The following MYOF variants were observed in gnomAD, a reference collection of about 807,000 sequenced individuals.
The protein encoded by MYOF is myoferlin.
MYOF carries 244 observed loss-of-function variants against 284.2 expected under a neutral mutation model. The ratio of observed to expected loss-of-function variants is 0.86; its 90% CI spans 0.77 to 0.95. The LOEUF is 0.95. Among genes scored for constraint, MYOF ranks in the 40% least tolerant of loss-of-function variants. MYOF has a pLI of 0.00. For missense variants in MYOF, 2,496 were observed against 2,560.6 expected (o/e 0.97, Z 0.54); for synonymous variants, 904 against 919.7 (o/e 0.98, Z 0.31).
In MYOF at chr10:93,442,041, C is replaced by CACACACACAGAGAGAG. The variant is rs57700900; in HGVS notation, c.236+10008_236+10009insCTCTCTCTGTGTGTGT. ...ACACACACACACACACACACACACA[C>CACACACACAGAGAGAG]AGAATAAACCTTGGAAAGTCTGGGC... On this transcript the variant is annotated intron_variant, in intron 3 of 53. Coordinates refer to ENST00000359263, the MANE Select transcript of MYOF (RefSeq NM_013451.4). Among the ~76,000 whole-genome samples, 13 of 142,738 alleles carry CACACACACAGAGAGAG rather than the reference C, an allele frequency of 9.1e-5. 1 individual carries two copies. Among genetic ancestry groups the CACACACACAGAGAGAG allele is most frequent in the South Asian group, 9.0e-4 (4 of 4,428 alleles). 93.6% of individuals were successfully genotyped at this position (142,738 alleles called of 152,430 possible).
intron 1 of MYOF, among the ~76,000 whole-genome samples, chr10:93,479,094 A>C (rs1021003158): frequency 6.6e-6 from 1 of 151,728 alleles, no homozygotes; most frequent in Non-Finnish European, 1.5e-5. Context: ...TATTTCTGTT[A>C]ACACAGGGAC....
chr10:93,433,243 C>T (rs539644270), intron 3 of MYOF, among the ~76,000 whole-genome samples: 16 of 152,272 alleles, frequency 1.1e-4, no homozygotes, highest in Admixed American at 3.3e-4. Flanking sequence ...CCACAACCTC[C>T]GCCTCCCGGG....
Position 93,333,908 on chromosome 10 carries a change from G to A in MYOF, c.4569C>T (p.Ser1523=). 6.2e-7 allele frequency: 1 copy of A among 1,613,940 alleles called. No individual in the cohort carries two copies. The change falls in exon 42 of 54, where the codon TCC becomes TCT. Residue 1523 remains serine (S), a synonymous_variant. Transcript: ENST00000359263. ...CATCCGGCAGAGGGTAGATCCGAAAGGAGCCCTAAAAGAGAGAGACAGAAG... is the reference window on the plus strand; with the variant it reads ...CATCCGGCAGAGGGTAGATCCGAAAAGAGCCCTAAAAGAGAGAGACAGAAG... The part of the protein sequence containing the change: ...DPSVVGEFKG[S]FRIYPLPDDP...
chr10:93,448,123 C>T (rs562463344), intron 3 of MYOF, among the ~76,000 whole-genome samples: 20 of 152,140 alleles, frequency 1.3e-4, no homozygotes, highest in African/African-American at 2.4e-4. Flanking sequence ...GCCTTTCTCA[C>T]GTTTCTCCAG....
chr10:93,341,117 A>T (rs1843886662), intron 38 of MYOF, among the ~76,000 whole-genome samples: 1 of 152,222 alleles, frequency 6.6e-6, no homozygotes, highest in Non-Finnish European at 1.5e-5. Flanking sequence ...CCAAAGCAAG[A>T]TTAAGGGTTA....
chr10:93,423,749 C>T lies in MYOF; in HGVS notation c.433+2322G>A, dbSNP rs1348548174. On this transcript the variant is annotated intron_variant, in intron 5 of 53. Transcript: ENST00000359263. ...TCGGGAGGCTGAGGCAGAAGAATGG[C>T]GTGAACCCTGGAGGCGGAGCTTGCA... 3.3e-5 allele frequency among the ~76,000 whole-genome samples: 5 copies of T among 150,620 alleles called. No individual in the cohort carries two copies. In the East Asian group the frequency reaches 9.9e-4, roughly 30 times the overall value.
chr10:93,333,869 T>G lies in MYOF; in HGVS notation c.4608A>C (p.Pro1536=). The change falls in exon 42 of 54, where the codon CCA becomes CCC. Residue 1536 remains proline, a synonymous_variant. Coordinates refer to ENST00000359263, the MANE Select transcript of MYOF (RefSeq NM_013451.4). Reference sequence around the variant, plus strand: ...ATTCCCGAAACTGTCTGGGAGGGGCTGGCACGCTGGGGTCATCCGGCAGAG... The same window carrying G: ...ATTCCCGAAACTGTCTGGGAGGGGCGGGCACGCTGGGGTCATCCGGCAGAG... ...IYPLPDDPSV[P]APPRQFRELP... is the part of the protein sequence containing the mutation. The G allele has an allele frequency of 6.2e-7, 1 of 1,614,026 alleles. No homozygotes were observed. The highest frequency in any genetic ancestry group is 1.1e-5 in the South Asian group (1 of 91,068).
At chr10:93,392,866 A>G (rs1486293867) in intron 17 of MYOF, 51 bp downstream of exon 17, 3 of 1,503,106 alleles carry the variant, frequency 2.0e-6, no homozygotes, top group African/African-American at 2.8e-5. Flanking sequence ...TCTTAATAAG[A>G]TAATATTAGC....
intron 1 of MYOF, among the ~76,000 whole-genome samples, chr10:93,471,507 C>G (rs964462989): frequency 9.2e-5 from 14 of 152,254 alleles, no homozygotes; most frequent in African/African-American, 2.9e-4. Context: ...GACGCATGGA[C>G]CATCTGGAAT....
chr10:93,342,071 T>C lies in MYOF; in HGVS notation c.4326+1785A>G. 5.5e-6 allele frequency: 4 copies of C among 722,942 alleles called. No individual in the cohort carries two copies. In the Admixed American group the frequency reaches 7.7e-5, roughly 14 times the overall value. 44.8% of individuals were successfully genotyped at this position (722,942 alleles called of 1,614,324 possible). A position where few individuals can be genotyped will look rare whatever the true frequency, so the allele number is the denominator to read the frequency against. ...CCCGAAGACTTATTTCTCACTTTTC[T>C]TGTGATAGTGCTCAGCCCATTTGTT... On this transcript the variant is annotated intron_variant, in intron 38 of 53. Coordinates refer to ENST00000359263, the MANE Select transcript of MYOF (RefSeq NM_013451.4).
rs182564653 is a variant in MYOF at position 93,335,944 on chromosome 10, G to T, written c.4540C>A (p.Pro1514Thr). 2 of 1,614,170 alleles carry T rather than the reference G, an allele frequency of 1.2e-6. No homozygotes were observed. The highest frequency in any genetic ancestry group is 4.5e-5 in the East Asian group (2 of 44,882). The change falls in exon 41 of 54, where the codon CCT becomes ACT. Residue 1514 changes from proline to threonine, a missense_variant. Around this residue, in one of 3 missense-constraint regions of MYOF, gnomAD observed 2,436 missense variants for 2,480.7 expected, o/e 0.98. Transcript: ENST00000359263. ...YRGKSDENEDPSVVGEFKGSF... is the reference protein window; with the variant it reads ...YRGKSDENEDTSVVGEFKGSF... ...ACCTTAAACTCTCCAACCACAGAAG[G>T]ATCTTCATTTTCATCCGACTTGCCT...
Position 93,374,880 on chromosome 10 carries a change from C to T in MYOF, c.2184G>A (p.Arg728=), listed in dbSNP as rs767353059. 9.9e-6 allele frequency: 16 copies of T among 1,614,164 alleles called. No individual in the cohort carries two copies. Among genetic ancestry groups the T allele is most frequent in the South Asian group, 1.1e-5 (1 of 91,078 alleles). Residue 728 remains arginine, a synonymous_variant, in exon 23 of 54, where the codon AGG becomes AGA. Coordinates refer to ENST00000359263, the MANE Select transcript of MYOF (RefSeq NM_013451.4). The part of the protein sequence containing the change: ...LDTQIRKLRS[R]SLSQIHEAAV... ...CCGCCTCATGTATTTGGGAGAGAGACCTGGACCGCAGCTTTCGGATCTGAG... is the reference window on the plus strand; with the variant it reads ...CCGCCTCATGTATTTGGGAGAGAGATCTGGACCGCAGCTTTCGGATCTGAG...
intron 50 of MYOF, 78 bp downstream of exon 50, chr10:93,316,636 A>AT: frequency 7.6e-7 from 1 of 1,311,364 alleles, no homozygotes; most frequent in Non-Finnish European, 1.1e-6. Context: ...GATTTAAAGA[A>AT]TTGCTTCCAA....
intron 12 of MYOF, among the ~76,000 whole-genome samples, chr10:93,400,962 C>G (rs1018486539): frequency 1.3e-5 from 2 of 150,232 alleles, no homozygotes; most frequent in African/African-American, 4.9e-5. Flanking sequence ...AAGTGATTCT[C>G]ATGCCTCAGC....
At chr10:93,333,364 G>C (rs750181284) in intron 42 of MYOF, 52 bp from the exon 43 acceptor site, 15 of 1,499,810 alleles carry the variant, frequency 1.0e-5, no homozygotes, top group Non-Finnish European at 1.4e-5. Flanking sequence ...GCAAGGTGAA[G>C]TCAAGTTCAG....
intron 24 of MYOF, among the ~76,000 whole-genome samples, chr10:93,371,251 T>C (rs568918010): frequency 6.6e-6 from 1 of 152,380 alleles, no homozygotes; most frequent in Non-Finnish European, 1.5e-5. Context: ...TGGTTTCAGA[T>C]GTCACACTGC....
chr10:93,347,570 A>AAAAAAGAAT (rs772349747), intron 37 of MYOF, 47 bp downstream of exon 37: 1 of 1,461,168 alleles, frequency 6.8e-7, no homozygotes, highest in Non-Finnish European at 9.0e-7. Flanking sequence ...AAAAAAAAAA[A>AAAAAAGAAT]AAAAAAAAGA....
intron 7 of MYOF, among the ~76,000 whole-genome samples, chr10:93,404,641 C>CA (rs34398757): frequency 0.17 from 9,895 of 58,156 alleles, 770 homozygotes; most frequent in African/African-American, 0.26. Context: ...GAGGCCATCT[C>CA]AAAAAAAAAA....
intron 5 of MYOF, chr10:93,425,739 C>A: frequency 3.3e-6 from 1 of 301,706 alleles, no homozygotes; most frequent in Non-Finnish European, 6.3e-6. Context: ...CTCCTTGAGC[C>A]AAACAGCCTG....
Sources: gnomAD v4.1 joint callset for allele counts (sites outside exome capture counted in the v4.1 genomes callset) on GRCh38, gnomAD v4.1.1 for gene constraint, gnomAD v4.1.1 regional missense constraint, MANE v1.5 for transcripts, NCBI Gene and HGNC (gene_info 2026-07-23, HGNC 2026-07-21) for gene names.